UNC79: variants seen among roughly 807,000 people sequenced by gnomAD.
UNC79 encodes protein unc-79 homolog.
UNC79 carries 37 observed loss-of-function variants against 283.1 expected under a neutral mutation model. The observed-to-expected ratio is 0.13, with a 90% CI of 0.10 to 0.17. The LOEUF is 0.17. UNC79 is among the 10% of genes least tolerant of loss of function. The pLI is 1.00. For missense variants in UNC79, 2,272 were observed against 3,211.1 expected, an observed-to-expected ratio of 0.71 and a Z score of 7.07; for synonymous variants, 1,107 against 1,200.2, an observed-to-expected ratio of 0.92 and a Z score of 1.61.
At chr14:93,605,800 TC>T (rs1413798579) in intron 26 of UNC79, among the ~76,000 whole-genome samples, 12 of 151,540 alleles carry the variant, frequency 7.9e-5, no homozygotes, top group Admixed American at 7.2e-4. Context: ...AGAGAGGGAG[TC>T]CGAAGTGGGA....
intron 38 of UNC79, among the ~76,000 whole-genome samples, chr14:93,657,917 G>T (rs963610215): frequency 6.6e-6 from 1 of 152,114 alleles, no homozygotes; most frequent in Non-Finnish European, 1.5e-5. Context: ...CTGTGGGAGC[G>T]CAGGCTTCTG....
chr14:93,419,181 T>C (rs1437901694), intron 1 of UNC79, among the ~76,000 whole-genome samples: 1 of 151,034 alleles, frequency 6.6e-6, no homozygotes, highest in African/African-American at 2.4e-5. Context: ...TTTTTTTTTT[T>C]TTTTTGAGAT....
At chr14:93,669,654 G>C (rs1174849720) in intron 40 of UNC79, among the ~76,000 whole-genome samples, 1 of 152,088 alleles carries the variant, frequency 6.6e-6, no homozygotes, top group Non-Finnish European at 1.5e-5. Context: ...CCCTGAGCCT[G>C]GGTAACATGG....
At chr14:93,586,474 T>G in intron 20 of UNC79, 122 bp from the exon 21 acceptor site, 5 of 804,040 alleles carry the variant, frequency 6.2e-6, no homozygotes, top group Non-Finnish European at 9.7e-6. Context: ...AAAAGTTTTC[T>G]CAAACAATTT....
At chr14:93,498,447 C>T (rs1244681011) in intron 7 of UNC79, among the ~76,000 whole-genome samples, 7 of 151,696 alleles carry the variant, frequency 4.6e-5, no homozygotes, top group East Asian at 1.9e-4. Flanking sequence ...AAATTTTAGC[C>T]GGACGTGGTG....
exon 19 of UNC79, chr14:93,580,283 C>T (rs753083118): frequency 2.1e-5 from 34 of 1,614,082 alleles, no homozygotes; most frequent in South Asian, 1.4e-4. Context: ...AAAAAGCAAT[C>T]GAGTGCAACT....
intron 14 of UNC79, among the ~76,000 whole-genome samples, chr14:93,542,981 C>A: frequency 6.9e-6 from 1 of 144,264 alleles, no homozygotes; most frequent in Non-Finnish European, 1.5e-5. Context: ...GAAATGGGAT[C>A]TTGCTATGTC....
At chr14:93,513,524 G>A (rs1192464274) in intron 7 of UNC79, among the ~76,000 whole-genome samples, 1 of 151,904 alleles carries the variant, frequency 6.6e-6, no homozygotes, top group Non-Finnish European at 1.5e-5. Flanking sequence ...TGGCCTAATT[G>A]TACCTTTTTA....
chr14:93,463,784 G>C (rs2057048286), intron 1 of UNC79, among the ~76,000 whole-genome samples: 1 of 152,174 alleles, frequency 6.6e-6, no homozygotes, highest in African/African-American at 2.4e-5. Flanking sequence ...TTGGGCTTAA[G>C]TGGAGATAGA....
intron 1 of UNC79, among the ~76,000 whole-genome samples, chr14:93,361,284 G>C (rs2139942362): frequency 6.6e-6 from 1 of 150,806 alleles, no homozygotes. Context: ...TAGCAGGCCT[G>C]TTTGGATTTT....
rs774837812 is a variant in UNC79, at chr14:93,487,666, G to A, written c.623G>A (p.Gly208Asp). The change falls in exon 5 of 49, where the codon GGC (glycine) becomes GAC (aspartate). Residue 208 changes from glycine to aspartate, a missense_variant. By Grantham distance (94) the Gly-to-Asp change is moderately conservative (BLOSUM62 -1). Around this residue, in one of 11 missense-constraint regions of UNC79, gnomAD observed 194 missense variants for 268.9 expected, o/e 0.72. Transcript: ENST00000555664. ...ATCAAAGAACTTTTGGTTGCAGTGG[G>A]CTCCTCAAGGAGAGAAGGTGTACCT... The A allele has an allele frequency of 2.5e-6, 4 of 1,613,334 alleles. No individual in the cohort carries two copies. In the South Asian group the frequency reaches 4.4e-5, roughly 18 times the overall value.
intron 17 of UNC79, 91 bp from the exon 18 acceptor site, chr14:93,577,751 G>A: frequency 7.8e-7 from 1 of 1,285,576 alleles, no homozygotes; most frequent in Non-Finnish European, 1.1e-6. Context: ...TGTGACAGCT[G>A]GAAATACCTT....
chr14:93,587,215 G>A (rs2064285358), intron 22 of UNC79, among the ~76,000 whole-genome samples: 2 of 152,030 alleles, frequency 1.3e-5, no homozygotes, highest in African/African-American at 4.8e-5. Flanking sequence ...CAAAAAATAC[G>A]TTAATATTTA....
intron 11 of UNC79, among the ~76,000 whole-genome samples, chr14:93,534,708 G>A (rs2141101267): frequency 6.6e-6 from 1 of 152,208 alleles, no homozygotes; most frequent in South Asian, 2.1e-4. Flanking sequence ...CTAAGCTTGT[G>A]GGACCAGGAT....
intron 47 of UNC79, among the ~76,000 whole-genome samples, chr14:93,698,483 T>A (rs1274007543): frequency 0.016 from 1,616 of 102,562 alleles, 45 homozygotes; most frequent in African/African-American, 0.067. Context: ...TAGGTTTTTT[T>A]TTTTTTTTTT....
chr14:93,693,673 G>C (rs1489284653), intron 46 of UNC79, among the ~76,000 whole-genome samples: 1 of 152,120 alleles, frequency 6.6e-6, no homozygotes, highest in Admixed American at 6.6e-5. Flanking sequence ...GAATTAAACA[G>C]TTATTGCCGA....
intron 18 of UNC79, among the ~76,000 whole-genome samples, chr14:93,578,654 T>A (rs2063605288): frequency 6.6e-6 from 1 of 152,194 alleles, no homozygotes. Context: ...ATTGCAGACA[T>A]GATGTCCTTT....
intron 3 of UNC79, 138 bp from the exon 4 acceptor site, chr14:93,477,420 T>G (rs1210474360): frequency 3.2e-6 from 2 of 623,430 alleles, no homozygotes; most frequent in Non-Finnish European, 5.2e-6. Flanking sequence ...TCAAACATTA[T>G]GTTTCATAAC....
At position 93,600,553 on chromosome 14, in the gene UNC79, TC is replaced by T. The variant is rs747072263; in HGVS notation, c.3373-14del. The T allele has an allele frequency of 3.2e-6, 5 of 1,560,122 alleles. No homozygotes were observed. Among genetic ancestry groups the T allele is most frequent in the Admixed American group, 2.0e-5 (1 of 50,668 alleles). ...GACTTTCTTCTTTTCTTTTTTTTTT[TC>T]CTCCTCTTTCCCAGGGTCTATGTCT... On this transcript the variant is annotated splice_polypyrimidine_tract_variant and intron_variant, in intron 24 of 48. Transcript: ENST00000555664.
Sources: gnomAD v4.1 joint callset for allele counts (sites outside exome capture counted in the v4.1 genomes callset) on GRCh38, gnomAD v4.1.1 for gene constraint, gnomAD v4.1.1 regional missense constraint, MANE v1.5 for transcripts, NCBI Gene and HGNC (gene_info 2026-07-23, HGNC 2026-07-21) for gene names.